ASIC2: variants seen among roughly 807,000 people sequenced by gnomAD.
The protein encoded by ASIC2 is acid sensing ion channel subunit 2.
In ASIC2, 25 loss-of-function variants were observed where a neutral mutation model predicts 57.3. That is an observed-to-expected ratio of 0.44 (90% confidence interval 0.32 to 0.61). The LOEUF (loss-of-function observed/expected upper bound fraction) is 0.61, where lower values mean the gene tolerates loss of function less well. Among genes scored for constraint, ASIC2 ranks in the 20% least tolerant of loss-of-function variants. The pLI, the probability that ASIC2 is intolerant of heterozygous loss-of-function variation, is 0.06. For missense variants in ASIC2, 641 were observed against 738.1 expected, an observed-to-expected ratio of 0.87 and a Z score of 1.52; for synonymous variants, 319 against 307.5, an observed-to-expected ratio of 1.04 and a Z score of -0.39.
Position 33,309,555 on chromosome 17 carries a change from C to CCCG in ASIC2, c.556-197489_556-197488insCGG, listed in dbSNP as rs145222772. Among the ~76,000 whole-genome samples the CCCG allele has an allele frequency of 8.3e-3, 1,261 of 152,216 alleles. 11 individuals are homozygous for CCCG. The highest frequency in any genetic ancestry group is 0.022 in the African/African-American group (931 of 41,542). On this transcript the variant is annotated intron_variant, in intron 1 of 9. Coordinates refer to the ASIC2 transcript ENST00000359872. ...ATTCATCATCTTCCTCCTTATCCTCCTCTACCATCACCACCACCTTCACCT... is the reference window on the plus strand; with the variant it reads ...ATTCATCATCTTCCTCCTTATCCTCCCCGTCTACCATCACCACCACCTTCACCT...
intron 1 of ASIC2, among the ~76,000 whole-genome samples, chr17:33,307,966 G>T (rs947117076): frequency 2.0e-5 from 3 of 152,184 alleles, no homozygotes; most frequent in African/African-American, 7.2e-5. Context: ...ACGGTTGTTA[G>T]CTCCTGTTTT....
At chr17:33,249,454 A>G (rs1422638144) in intron 1 of ASIC2, among the ~76,000 whole-genome samples, 1 of 152,144 alleles carries the variant, frequency 6.6e-6, no homozygotes, top group Non-Finnish European at 1.5e-5. Flanking sequence ...GGGTAGAGAA[A>G]GAAGGGAACT....
chr17:34,016,027 T>C (rs551469763), intron 1 of ASIC2, among the ~76,000 whole-genome samples: 10 of 152,316 alleles, frequency 6.6e-5, no homozygotes, highest in Non-Finnish European at 1.5e-4. Context: ...TCTCAAAACA[T>C]AAAATGAACA....
intron 1 of ASIC2, among the ~76,000 whole-genome samples, chr17:33,840,154 T>A (rs1479975023): frequency 6.6e-6 from 1 of 152,212 alleles, no homozygotes; most frequent in Non-Finnish European, 1.5e-5. Flanking sequence ...TGCAAACTAC[T>A]CAGTTGGACA....
intron 1 of ASIC2, among the ~76,000 whole-genome samples, chr17:33,249,671 A>G (rs1220060040): frequency 6.6e-6 from 1 of 152,032 alleles, no homozygotes; most frequent in Admixed American, 6.5e-5. Flanking sequence ...CCTTCTAACT[A>G]TCCTTCCCTC....
intron 1 of ASIC2, among the ~76,000 whole-genome samples, chr17:33,639,169 C>T (rs965247972): frequency 9.2e-5 from 14 of 151,818 alleles, no homozygotes; most frequent in Admixed American, 7.2e-4. Context: ...GAATGCCAGA[C>T]GTGAGGCTTT....
intron 3 of ASIC2, among the ~76,000 whole-genome samples, chr17:33,047,089 C>A (rs2141924200): frequency 6.6e-6 from 1 of 152,368 alleles, no homozygotes; most frequent in South Asian, 2.1e-4. Context: ...CCATAAAATT[C>A]ATCTTTTATT....
chr17:33,082,908 T>G (rs2092118989), intron 3 of ASIC2, among the ~76,000 whole-genome samples: 1 of 151,750 alleles, frequency 6.6e-6, no homozygotes, highest in South Asian at 2.1e-4. Context: ...CTCTCTTATC[T>G]GTTCATCCAC....
At chr17:34,023,569 T>C (rs1389766759) in intron 1 of ASIC2, among the ~76,000 whole-genome samples, 1 of 152,144 alleles carries the variant, frequency 6.6e-6, no homozygotes, top group Non-Finnish European at 1.5e-5. Context: ...CCCTCCCTCA[T>C]GATGGAACTA....
intron 1 of ASIC2, among the ~76,000 whole-genome samples, chr17:33,750,040 A>AT (rs1910381032): frequency 6.6e-6 from 1 of 152,066 alleles, no homozygotes; most frequent in African/African-American, 2.4e-5. Flanking sequence ...CCAGTTTTTC[A>AT]TGCAGTTCCT....
At chr17:33,185,877 G>A (rs546886308) in intron 1 of ASIC2, among the ~76,000 whole-genome samples, 2 of 152,286 alleles carry the variant, frequency 1.3e-5, no homozygotes, top group South Asian at 4.1e-4. Flanking sequence ...AGTGCTCAGA[G>A]GGTATTGCTT....
intron 1 of ASIC2, among the ~76,000 whole-genome samples, chr17:34,154,155 A>G (rs1222190276): frequency 6.6e-6 from 1 of 152,210 alleles, no homozygotes; most frequent in Non-Finnish European, 1.5e-5. Context: ...GTTCAGGCAG[A>G]CAGAGGAACA....
At chr17:33,185,143 C>T (rs1906140451) in intron 1 of ASIC2, among the ~76,000 whole-genome samples, 1 of 152,240 alleles carries the variant, frequency 6.6e-6, no homozygotes. Flanking sequence ...GTCTGTGATG[C>T]TGCCCACTGG....
At chr17:33,827,046 G>C (rs985541844) in intron 1 of ASIC2, among the ~76,000 whole-genome samples, 1 of 152,082 alleles carries the variant, frequency 6.6e-6, no homozygotes, top group African/African-American at 2.4e-5. Context: ...AACAGATGAG[G>C]GTTTCTTCTG....
intron 1 of ASIC2, among the ~76,000 whole-genome samples, chr17:33,520,102 C>A (rs973496815): frequency 6.6e-6 from 1 of 152,178 alleles, no homozygotes; most frequent in Non-Finnish European, 1.5e-5. Flanking sequence ...ATCTTTGCAA[C>A]GAGAATTCTG....
intron 1 of ASIC2, among the ~76,000 whole-genome samples, chr17:33,467,235 C>G (rs1239645274): frequency 6.6e-6 from 1 of 152,170 alleles, no homozygotes; most frequent in African/African-American, 2.4e-5. Flanking sequence ...GCCACTGTGC[C>G]TGGCCTTGAA....
chr17:33,103,073 G>A (rs1385880432), intron 2 of ASIC2, among the ~76,000 whole-genome samples: 2 of 152,186 alleles, frequency 1.3e-5, no homozygotes, highest in African/African-American at 2.4e-5. Flanking sequence ...CTGAGCCACA[G>A]CACCCGGCCA....
intron 1 of ASIC2, among the ~76,000 whole-genome samples, chr17:33,309,046 C>A (rs527848471): frequency 1.3e-5 from 2 of 152,264 alleles, no homozygotes; most frequent in East Asian, 1.9e-4. Context: ...GGCAACGGAC[C>A]AATTCTGTTT....
intron 1 of ASIC2, among the ~76,000 whole-genome samples, chr17:33,854,095 T>C (rs1913849146): frequency 6.6e-6 from 1 of 152,226 alleles, no homozygotes; most frequent in Non-Finnish European, 1.5e-5. Context: ...CATCTTCTAA[T>C]TGCAGATTGT....
Sources: allele counts gnomAD v4.1 joint callset (sites outside exome capture counted in the v4.1 genomes callset), GRCh38; gene constraint gnomAD v4.1.1; transcripts MANE v1.5; gene names NCBI Gene and HGNC (gene_info 2026-07-23, HGNC 2026-07-21).